Variants in MLPH observed in about 807,000 individuals in gnomAD.
The protein encoded by MLPH is melanophilin.
A neutral mutation model predicts 72.1 loss-of-function variants in MLPH; 51 were observed. The ratio of observed to expected loss-of-function variants is 0.71; its 90% CI spans 0.56 to 0.89. The LOEUF (loss-of-function observed/expected upper bound fraction) is 0.89, where lower values mean the gene tolerates loss of function less well. MLPH is among the 40% of genes least tolerant of loss of function. MLPH has a pLI of 0.00. For synonymous variants in MLPH, 301 were observed against 310.1 expected (o/e 0.97, Z 0.31); for missense variants, 743 against 759.9 (o/e 0.98, Z 0.26).
At chr2:237,543,009 G>A (rs2080751752) in intron 12 of MLPH, among the ~76,000 whole-genome samples, 1 of 66,356 alleles carries the variant, frequency 1.5e-5, no homozygotes, top group Non-Finnish European at 2.8e-5. Flanking sequence ...GTGGTGAGTG[G>A]AGACAGTGGT....
intron 8 of MLPH, among the ~76,000 whole-genome samples, chr2:237,532,478 C>T (rs765236475): frequency 6.6e-6 from 1 of 152,240 alleles, no homozygotes; most frequent in Non-Finnish European, 1.5e-5. Flanking sequence ...CCCCTCACTC[C>T]CAAGGGCCGG....
At chr2:237,551,036 C>A (rs1287871871) in intron 14 of MLPH, among the ~76,000 whole-genome samples, 1 of 152,252 alleles carries the variant, frequency 6.6e-6, no homozygotes, top group African/African-American at 2.4e-5. Flanking sequence ...AAAGCTGAGG[C>A]CTGACCCTTC....
intron 11 of MLPH, 21 bp from the exon 12 acceptor site, chr2:237,542,546 C>T (rs1574897771): frequency 6.4e-7 from 1 of 1,573,470 alleles, no homozygotes; most frequent in Non-Finnish European, 8.6e-7. Context: ...GACGGGCCTT[C>T]TGTCTGCTGT....
At position 237,537,280 on chromosome 2, in the gene MLPH, T is replaced by TTG. The variant is rs372568452; in HGVS notation, c.1104+2648_1104+2649dup. ...GTGTGCATGTGTTGTGTGTGTAGGTTTGTGTGTGTGTGTGTGAATTTATTT... is the reference window on the plus strand; with the variant it reads ...GTGTGCATGTGTTGTGTGTGTAGGTTTGTGTGTGTGTGTGTGTGAATTTATTT... On this transcript the variant is annotated intron_variant, in intron 9 of 15. Coordinates refer to ENST00000264605, the MANE Select transcript of MLPH (RefSeq NM_024101.7). Among the ~76,000 whole-genome samples the TTG allele has an allele frequency of 2.4e-3, 368 of 151,508 alleles. 6 individuals are homozygous for TTG. Among genetic ancestry groups the TTG allele is most frequent in the Non-Finnish European group, 9.6e-4 (65 of 67,752 alleles).
Position 237,540,868 on chromosome 2 carries a change from C to T in MLPH, c.1357C>T (p.Gln453Ter). ...KSPQDPGDPV[Q>*]YNRTTDEELS... ...CCCCCAGGACCCTGGGGACCCCGTCCAGTACAACAGGACCACAGATGAGGA... is the reference window on the plus strand; with the variant it reads ...CCCCCAGGACCCTGGGGACCCCGTCTAGTACAACAGGACCACAGATGAGGA... Residue 453 changes from glutamine to a stop codon, truncating the protein, a stop_gained, in exon 11 of 16, where the codon CAG (glutamine) becomes TAG (stop). Transcript: ENST00000264605. LOFTEE classifies it high-confidence loss of function. The T allele has an allele frequency of 1.2e-6, 2 of 1,613,326 alleles. No homozygotes were observed. Among genetic ancestry groups the T allele is most frequent in the African/African-American group, 1.3e-5 (1 of 75,034 alleles).
intron 9 of MLPH, chr2:237,537,749 G>T (rs1160115451): frequency 6.6e-6 from 1 of 152,172 alleles, no homozygotes. Flanking sequence ...GGGTGAGGGA[G>T]GGATCGATGC....
intron 13 of MLPH, among the ~76,000 whole-genome samples, chr2:237,546,952 G>A (rs2080933454): frequency 6.6e-6 from 1 of 152,216 alleles, no homozygotes; most frequent in African/African-American, 2.4e-5. Flanking sequence ...GACGGGAAAG[G>A]AAGGAGGCAA....
In MLPH at chr2:237,520,023, C is replaced by T. The variant is rs112396926; in HGVS notation, c.669C>T (p.Ser223=). The T allele has an allele frequency of 7.9e-5, 127 of 1,613,916 alleles. No homozygotes were observed. In the African/African-American group the frequency reaches 1.2e-3, roughly 15 times the overall value. Reference sequence around the variant, plus strand: ...CCTCAGTCCCTGAGGCCAGGGACAGCCCACAGGTCAGTGGGTCCTCGTGTC... The same window carrying T: ...CCTCAGTCCCTGAGGCCAGGGACAGTCCACAGGTCAGTGGGTCCTCGTGTC... The part of the protein sequence containing the change: ...HLSSVPEARD[S]PQSLTDESCS... Residue 223 remains serine, a synonymous_variant, in exon 6 of 16, where the codon AGC becomes AGT. Transcript: ENST00000264605.
chr2:237,542,732 GT>G, intron 12 of MLPH, 73 bp downstream of exon 12: 2 of 935,714 alleles, frequency 2.1e-6, no homozygotes, highest in East Asian at 3.2e-5. Flanking sequence ...ACAGTGGTGA[GT>G]GGGGGACAGT....
At position 237,520,834 on chromosome 2, in the gene MLPH, G is replaced by A. The variant is rs115462001; in HGVS notation, c.675+805G>A. ...GACTTTTCTAGTTAAATTAGGTTTG[G>A]AAGTGAAGCCAGATTTTGGCTTGTG... On this transcript the variant is annotated intron_variant, in intron 6 of 15. Transcript: ENST00000264605. Among the ~76,000 whole-genome samples, 1,450 of 152,316 alleles carry A rather than the reference G, an allele frequency of 9.5e-3. 23 individuals carry two copies. Among genetic ancestry groups the A allele is most frequent in the African/African-American group, 0.033 (1,365 of 41,544 alleles).
rs1425016429 is a variant in MLPH, at chr2:237,542,716, T to TG, written c.1539+59dup. 4.9e-6 allele frequency: 5 copies of TG among 1,011,064 alleles called. No homozygotes were observed. The East Asian group carries it at 2.1e-4, about 42-fold the overall frequency. The allele number at this position is 1,011,064 out of a possible 1,614,324, so 62.6% of individuals were successfully genotyped here. ...TGCTGAGTGGGGGGGCAGTGGTGAG[T>TG]GGCGGACAGTGGTGAGTGGGGGACA... On this transcript the variant is annotated intron_variant, in intron 12 of 15. Coordinates refer to ENST00000264605, the MANE Select transcript of MLPH (RefSeq NM_024101.7).
In MLPH at chr2:237,553,788, C is replaced by A; in HGVS notation, c.*196C>A. 1.3e-6 allele frequency: 1 copy of A among 782,824 alleles called. No individual in the cohort carries two copies. Among genetic ancestry groups the A allele is most frequent in the South Asian group, 1.4e-5 (1 of 71,246 alleles). The allele number at this position is 782,824 out of a possible 1,614,324, so 48.5% of individuals were successfully genotyped here. A position where few individuals can be genotyped will look rare whatever the true frequency, so the allele number is the denominator to read the frequency against. On this transcript the variant is annotated 3_prime_UTR_variant, in exon 16 of 16. Coordinates refer to ENST00000264605, the MANE Select transcript of MLPH (RefSeq NM_024101.7). Reference sequence around the variant, plus strand: ...GTCCTGCACTGCTCACCTGGGTTTACTGATGACTCCTGGCTGCCCCACCAT... The same window carrying A: ...GTCCTGCACTGCTCACCTGGGTTTAATGATGACTCCTGGCTGCCCCACCAT...
In MLPH at chr2:237,541,840, G is replaced by C. The variant is rs1574896522; in HGVS notation, c.1447-727G>C. Among the ~76,000 whole-genome samples, 2 of 152,348 alleles carry C rather than the reference G, an allele frequency of 1.3e-5. No homozygotes were observed. Among genetic ancestry groups the C allele is most frequent in the East Asian group, 3.9e-4 (2 of 5,184 alleles). On this transcript the variant is annotated intron_variant, in intron 11 of 15. Coordinates refer to ENST00000264605, the MANE Select transcript of MLPH (RefSeq NM_024101.7). The surrounding 1 kb of genome is among the most constrained non-coding windows in gnomAD (Gnocchi z 5.1). ...TGTGATTAAGACAATCAGTGAAGGT[G>C]AGCCCCTAGAGTGCTCGGGGCAGGG...
intron 2 of MLPH, among the ~76,000 whole-genome samples, chr2:237,494,846 G>A (rs1367636612): frequency 1.3e-5 from 2 of 152,192 alleles, no homozygotes; most frequent in Non-Finnish European, 2.9e-5. Context: ...ATGGTGAAAC[G>A]GATGAAAGGT....
intron 10 of MLPH, 84 bp from the exon 11 acceptor site, chr2:237,540,718 A>G: frequency 6.4e-7 from 1 of 1,563,938 alleles, no homozygotes. Flanking sequence ...CAGAGAGGAG[A>G]GCAATATCGT....
At position 237,541,891 on chromosome 2, in the gene MLPH, G is replaced by T. The variant is rs1421944131; in HGVS notation, c.1447-676G>T. Among the ~76,000 whole-genome samples, 1 of 152,232 alleles carries T rather than the reference G, an allele frequency of 6.6e-6. No individual in the cohort carries two copies. Among genetic ancestry groups the T allele is most frequent in the Non-Finnish European group, 1.5e-5 (1 of 68,042 alleles). On this transcript the variant is annotated intron_variant, in intron 11 of 15. Transcript: ENST00000264605. The surrounding 1 kb of genome is among the most constrained non-coding windows in gnomAD (Gnocchi z 5.1). ...CGATTGAGATAAGGCAGTCAGGAGG[G>T]ATACTAGGAAAGTAAGCCAGCCTGG...
intron 1 of MLPH, among the ~76,000 whole-genome samples, chr2:237,492,747 A>G (rs1364749474): frequency 6.6e-6 from 1 of 152,200 alleles, no homozygotes; most frequent in East Asian, 1.9e-4. Flanking sequence ...TCAGGCTCAT[A>G]TGACCTCCCC....
chr2:237,486,676 C>G (rs1463888668), upstream of MLPH: 1 of 152,292 alleles, frequency 6.6e-6, no homozygotes, highest in Non-Finnish European at 1.5e-5. Flanking sequence ...GTCTCCTCCC[C>G]GCAGCAGGGC....
intron 13 of MLPH, among the ~76,000 whole-genome samples, chr2:237,547,964 T>C (rs1260953901): frequency 6.6e-6 from 1 of 152,136 alleles, no homozygotes; most frequent in Admixed American, 6.5e-5. Flanking sequence ...GCAGGGAGCC[T>C]CAAGGAACAT....
Sources: allele counts gnomAD v4.1 joint callset (sites outside exome capture counted in the v4.1 genomes callset), GRCh38; gene constraint gnomAD v4.1.1; non-coding constraint Gnocchi (gnomAD v3.1); transcripts MANE v1.5; gene names NCBI Gene and HGNC (gene_info 2026-07-23, HGNC 2026-07-21).